MED13L: variants seen among roughly 807,000 people sequenced by gnomAD.
The protein encoded by MED13L is mediator of RNA polymerase II transcription subunit 13-like.
In MED13L, 7 loss-of-function variants were observed where a neutral mutation model predicts 220.9. The ratio of observed to expected loss-of-function variants is 0.03; its 90% CI spans 0.02 to 0.06. The LOEUF (loss-of-function observed/expected upper bound fraction) is 0.06, where lower values mean the gene tolerates loss of function less well. MED13L is among the 10% of genes least tolerant of loss of function. MED13L has a pLI of 1.00. For missense variants in MED13L, 1,965 were observed against 2,760.5 expected (o/e 0.71, Z 6.46); for synonymous variants, 1,011 against 1,015.2 (o/e 1.00, Z 0.08).
chr12:116,215,306 T>C (rs778399699), intron 2 of MED13L, among the ~76,000 whole-genome samples: 4 of 152,218 alleles, frequency 2.6e-5, no homozygotes, highest in Admixed American at 6.5e-5. Context: ...CCTATTTTTC[T>C]CAGAAGTCTT....
At chr12:116,086,510 G>A (rs1053012235) in intron 4 of MED13L, among the ~76,000 whole-genome samples, 11 of 152,028 alleles carry the variant, frequency 7.2e-5, no homozygotes, top group Admixed American at 3.9e-4. Flanking sequence ...TCAAACTCCC[G>A]ACCTCAAGTG....
chr12:116,159,291 A>C (rs1026053760), intron 2 of MED13L, among the ~76,000 whole-genome samples: 1 of 152,224 alleles, frequency 6.6e-6, no homozygotes, highest in African/African-American at 2.4e-5. Flanking sequence ...GAGTTTATGT[A>C]GACATCACAA....
intron 4 of MED13L, among the ~76,000 whole-genome samples, chr12:116,032,282 G>A (rs1053251900): frequency 3.3e-5 from 5 of 152,076 alleles, no homozygotes; most frequent in Non-Finnish European, 5.9e-5. Context: ...ATAGAACACA[G>A]AGTCAAGAAT....
intron 13 of MED13L, among the ~76,000 whole-genome samples, chr12:116,003,590 G>A (rs2288134): frequency 6.7e-6 from 1 of 149,992 alleles, no homozygotes; most frequent in Non-Finnish European, 1.5e-5. Context: ...TAACCTTATT[G>A]TGTAAAATTA....
chr12:116,085,064 C>T (rs1871530020), intron 4 of MED13L, among the ~76,000 whole-genome samples: 1 of 152,186 alleles, frequency 6.6e-6, no homozygotes, highest in Admixed American at 6.5e-5. Context: ...TTCAAGAGTA[C>T]ATAATTATCC....
rs766254994 is a variant in MED13L, at chr12:115,970,578, C to T, written c.6067+16G>A. The T allele has an allele frequency of 1.9e-6, 3 of 1,612,356 alleles. No homozygotes were observed. In the African/African-American group the frequency reaches 4.0e-5, roughly 22 times the overall value. ...TGCATGAAGGTGAGCACTATCCATACAGGTCTTCTACTCACCATTGTTGGG... is the reference window on the plus strand; with the variant it reads ...TGCATGAAGGTGAGCACTATCCATATAGGTCTTCTACTCACCATTGTTGGG... On this transcript the variant is annotated intron_variant, in intron 27 of 30. Coordinates refer to ENST00000281928, the MANE Select transcript of MED13L (RefSeq NM_015335.5).
chr12:116,246,684 A>T (rs1177527078), intron 1 of MED13L, among the ~76,000 whole-genome samples: 1 of 139,008 alleles, frequency 7.2e-6, no homozygotes, highest in Non-Finnish European at 1.5e-5. Flanking sequence ...TGTGGCACAC[A>T]TATGTAGTCC....
chr12:116,126,456 G>A (rs867037391), intron 2 of MED13L, among the ~76,000 whole-genome samples: 14 of 152,262 alleles, frequency 9.2e-5, no homozygotes, highest in Middle Eastern at 6.8e-3. Context: ...CTAGAGTCCT[G>A]TGCAAGAGCC....
intron 17 of MED13L, 104 bp from the exon 18 acceptor site, chr12:115,987,392 T>A (rs1877766727): frequency 9.7e-7 from 1 of 1,027,374 alleles, no homozygotes; most frequent in Admixed American, 2.0e-5. Flanking sequence ...ATGACGTTAT[T>A]AGCTGTAGTA....
intron 9 of MED13L, among the ~76,000 whole-genome samples, chr12:116,011,102 G>C (rs984724946): frequency 6.6e-6 from 1 of 151,864 alleles, no homozygotes. Context: ...GGTCAGGCTG[G>C]TCTCGAACTC....
intron 1 of MED13L, among the ~76,000 whole-genome samples, chr12:116,269,381 T>C (rs1335983002): frequency 7.0e-6 from 1 of 142,790 alleles, no homozygotes; most frequent in Non-Finnish European, 1.5e-5. Flanking sequence ...AAGCCCAGCA[T>C]CCATTAACTA....
At chr12:116,184,514 G>T (rs548128738) in intron 2 of MED13L, among the ~76,000 whole-genome samples, 1 of 151,992 alleles carries the variant, frequency 6.6e-6, no homozygotes, top group African/African-American at 2.4e-5. Context: ...AAAACTTTAG[G>T]CTTGTTCAAA....
chr12:116,185,095 A>G, intron 2 of MED13L, among the ~76,000 whole-genome samples: 1 of 152,202 alleles, frequency 6.6e-6, no homozygotes, highest in East Asian at 1.9e-4. Context: ...TACACCAAGA[A>G]ATTTTAACAA....
rs753979653 is a variant in MED13L, at chr12:116,009,075, T to C, written c.1338A>G (p.Gln446=). 1 of 1,613,984 alleles carries C rather than the reference T, an allele frequency of 6.2e-7. No homozygotes were observed. Residue 446 remains glutamine, a synonymous_variant, in exon 10 of 31, where the codon CAA becomes CAG. Transcript: ENST00000281928. ...ATGATGGTCCTGCACTGAACCCTGG[T>C]TGAGATACTGTGGGAGGTCGATTGG... is the stretch of plus-strand genomic sequence containing the variant. ...VGPNRPPTVS[Q]PGFSAGPSSS...
intron 4 of MED13L, among the ~76,000 whole-genome samples, chr12:116,039,002 C>T (rs937360909): frequency 6.6e-6 from 1 of 151,974 alleles, no homozygotes; most frequent in East Asian, 1.9e-4. Flanking sequence ...GACCCATGTT[C>T]GTATTCTTCC....
At chr12:115,983,958 T>C (rs1877510788) in intron 20 of MED13L, among the ~76,000 whole-genome samples, 1 of 152,216 alleles carries the variant, frequency 6.6e-6, no homozygotes, top group South Asian at 2.1e-4. Flanking sequence ...TTTCAAAATG[T>C]GCAGTAATTA....
At chr12:115,996,389 G>A in intron 16 of MED13L, 87 bp downstream of exon 16, 1 of 1,485,982 alleles carries the variant, frequency 6.7e-7, no homozygotes, top group Non-Finnish European at 9.4e-7. Context: ...ACCGCGCCCG[G>A]ACCTTGTCAT....
At chr12:116,118,888 T>C (rs1164170985) in intron 2 of MED13L, among the ~76,000 whole-genome samples, 1 of 152,194 alleles carries the variant, frequency 6.6e-6, no homozygotes, top group African/African-American at 2.4e-5. Flanking sequence ...GCAGAATAGC[T>C]ACTAGCATAA....
intron 2 of MED13L, among the ~76,000 whole-genome samples, chr12:116,176,567 G>A (rs774870531): frequency 6.6e-6 from 1 of 152,090 alleles, no homozygotes; most frequent in African/African-American, 2.4e-5. Flanking sequence ...CAGTAGGTTA[G>A]CAAGGAAAAA....
Sources: gnomAD v4.1 joint callset for allele counts (sites outside exome capture counted in the v4.1 genomes callset) on GRCh38, gnomAD v4.1.1 for gene constraint, MANE v1.5 for transcripts, NCBI Gene and HGNC (gene_info 2026-07-23, HGNC 2026-07-21) for gene names.